CTNNA2: variants seen among roughly 807,000 people sequenced by gnomAD.
CTNNA2 encodes the protein catenin alpha-2.
CTNNA2 carries 42 observed loss-of-function variants against 101.0 expected under a neutral mutation model. The ratio of observed to expected loss-of-function variants is 0.42; its 90% confidence interval spans 0.32 to 0.54. The LOEUF (loss-of-function observed/expected upper bound fraction) is 0.54, where lower values mean the gene tolerates loss of function less well. Ranked by LOEUF, CTNNA2 falls within the 20% of genes least tolerant of loss-of-function variation. The pLI is 0.14. For missense variants in CTNNA2, 871 were observed against 1,223.1 expected, an observed-to-expected ratio of 0.71 and a Z score of 4.29; for synonymous variants, 450 against 456.4, an observed-to-expected ratio of 0.99 and a Z score of 0.18.
At chr2:80,123,735 C>G (rs920586718) in intron 7 of CTNNA2, among the ~76,000 whole-genome samples, 1 of 152,168 alleles carries the variant, frequency 6.6e-6, no homozygotes, top group Non-Finnish European at 1.5e-5. Flanking sequence ...GAAACAAGCA[C>G]TTGTGAAATA....
chr2:80,419,421 T>A, intron 8 of CTNNA2, 28 bp from the exon 9 acceptor site: 1 of 1,578,806 alleles, frequency 6.3e-7, no homozygotes, highest in Non-Finnish European at 8.7e-7. Flanking sequence ...TAATTGTATG[T>A]CATTTTTTGT....
intron 11 of CTNNA2, among the ~76,000 whole-genome samples, chr2:80,547,383 C>A (rs1310808497): frequency 6.6e-6 from 1 of 152,134 alleles, no homozygotes; most frequent in Non-Finnish European, 1.5e-5. Context: ...AAAACTAAGT[C>A]ATTGAGAGGG....
intron 3 of CTNNA2, among the ~76,000 whole-genome samples, chr2:79,802,701 AT>A (rs1431525453): frequency 1.3e-5 from 2 of 152,210 alleles, no homozygotes; most frequent in African/African-American, 2.4e-5. Context: ...AATATTATAC[AT>A]TTGTTTTTTG....
intron 9 of CTNNA2, among the ~76,000 whole-genome samples, chr2:80,473,314 CA>C (rs1204567004): frequency 6.6e-6 from 1 of 152,080 alleles, no homozygotes; most frequent in Non-Finnish European, 1.5e-5. Context: ...TGGCACGTTG[CA>C]AAGTGAGTTA....
chr2:80,524,993 A>G (rs1157504742), intron 9 of CTNNA2, among the ~76,000 whole-genome samples: 1 of 152,198 alleles, frequency 6.6e-6, no homozygotes, highest in Non-Finnish European at 1.5e-5. Context: ...TTACATGAGT[A>G]AGTTCTTTAG....
At chr2:79,948,837 G>A (rs1454204475) in intron 7 of CTNNA2, among the ~76,000 whole-genome samples, 17 of 152,248 alleles carry the variant, frequency 1.1e-4, no homozygotes, top group African/African-American at 3.6e-4. Flanking sequence ...GCGTGGTGAC[G>A]GGTGCCTGTA....
intron 7 of CTNNA2, among the ~76,000 whole-genome samples, chr2:79,948,162 C>T (rs1688631920): frequency 6.6e-6 from 1 of 152,142 alleles, no homozygotes; most frequent in Admixed American, 6.5e-5. Context: ...GTTGTTTCTT[C>T]AACAAGAGAG....
chr2:80,436,179 G>A (rs1232130227), intron 9 of CTNNA2, among the ~76,000 whole-genome samples: 2 of 152,162 alleles, frequency 1.3e-5, no homozygotes, highest in African/African-American at 2.4e-5. Context: ...AGGCAGGTCA[G>A]TGTTTGCAGA....
At chr2:80,283,105 A>G (rs1034112783) in intron 7 of CTNNA2, among the ~76,000 whole-genome samples, 1 of 152,144 alleles carries the variant, frequency 6.6e-6, no homozygotes. Context: ...AATTTAGGAT[A>G]TAGGTAATTC....
At chr2:80,334,948 G>A (rs1444296414) in intron 7 of CTNNA2, among the ~76,000 whole-genome samples, 2 of 152,164 alleles carry the variant, frequency 1.3e-5, no homozygotes, top group Admixed American at 6.5e-5. Flanking sequence ...TGTAACTGCA[G>A]AACATAGAGT....
chr2:79,946,242 C>T, intron 7 of CTNNA2, among the ~76,000 whole-genome samples: 1 of 152,082 alleles, frequency 6.6e-6, no homozygotes, highest in East Asian at 1.9e-4. Flanking sequence ...TGTCTCTTGA[C>T]TCTATCCTAT....
At chr2:80,398,473 G>C (rs900038152) in intron 8 of CTNNA2, among the ~76,000 whole-genome samples, 1 of 152,094 alleles carries the variant, frequency 6.6e-6, no homozygotes, top group Non-Finnish European at 1.5e-5. Context: ...TTGTCAAGCT[G>C]CTGTGGAAAC....
At chr2:79,310,962 C>T (rs1300405860) in intron 2 of CTNNA2, among the ~76,000 whole-genome samples, 5 of 152,124 alleles carry the variant, frequency 3.3e-5, no homozygotes, top group African/African-American at 9.7e-5. Context: ...TGATTTACAC[C>T]TCAGCTTGGA....
At chr2:79,343,845 T>A (rs1421608980) in intron 3 of CTNNA2, among the ~76,000 whole-genome samples, 1 of 152,088 alleles carries the variant, frequency 6.6e-6, no homozygotes, top group East Asian at 1.9e-4. Context: ...CAAACTAACC[T>A]GCTAATAAGT....
chr2:79,595,887 T>G (rs559157418), intron 1 of CTNNA2, among the ~76,000 whole-genome samples: 16 of 151,264 alleles, frequency 1.1e-4, no homozygotes, highest in African/African-American at 3.9e-4. Flanking sequence ...CCAACTCTTA[T>G]GCAGTATTCT....
intron 7 of CTNNA2, chr2:80,029,382 G>C (rs1558742355): frequency 1.3e-5 from 2 of 152,190 alleles, no homozygotes; most frequent in Non-Finnish European, 1.5e-5. Context: ...AACTTGAACT[G>C]TATGTTTTCA....
intron 9 of CTNNA2, among the ~76,000 whole-genome samples, chr2:80,466,975 C>A (rs565744582): frequency 6.6e-6 from 1 of 152,212 alleles, no homozygotes; most frequent in South Asian, 2.1e-4. Context: ...TATCTCCAAG[C>A]CAATGGATAG....
At chr2:79,414,633 T>C (rs191323899) in intron 4 of CTNNA2, among the ~76,000 whole-genome samples, 36 of 152,220 alleles carry the variant, frequency 2.4e-4, no homozygotes, top group Admixed American at 2.1e-3. Context: ...TTTTTGCCAA[T>C]TAAATATTAT....
At chr2:79,633,866 G>C (rs1354127099) in intron 1 of CTNNA2, 2 of 152,166 alleles carry the variant, frequency 1.3e-5, no homozygotes, top group Non-Finnish European at 2.9e-5. Flanking sequence ...ATATGGAAGA[G>C]TGTTTGGACT....
Sources: allele counts gnomAD v4.1 joint callset (sites outside exome capture counted in the v4.1 genomes callset), GRCh38; gene constraint gnomAD v4.1.1; transcripts MANE v1.5; gene names NCBI Gene and HGNC (gene_info 2026-07-23, HGNC 2026-07-21).